ESYT3: variants seen among roughly 807,000 people sequenced by gnomAD.
ESYT3 encodes the protein extended synaptotagmin 3.
In ESYT3, 101 loss-of-function variants were observed where a neutral mutation model predicts 111.5. That is an observed-to-expected ratio of 0.91 (90% CI 0.77 to 1.07). ESYT3 has a LOEUF of 1.07. Ranked by LOEUF, ESYT3 falls within the 50% of genes least tolerant of loss-of-function variation. The pLI is 0.00. For missense variants in ESYT3, 1,097 were observed against 1,109.4 expected, an observed-to-expected ratio of 0.99 and a Z score of 0.16; for synonymous variants, 416 against 446.8, an observed-to-expected ratio of 0.93 and a Z score of 0.87.
chr3:138,438,421 C>G (rs562449968), intron 1 of ESYT3, among the ~76,000 whole-genome samples: 1 of 152,252 alleles, frequency 6.6e-6, no homozygotes, highest in South Asian at 2.1e-4. Flanking sequence ...GCTTGTCAAG[C>G]TGTATGCTGC....
At chr3:138,437,365 A>G (rs1374855904) in intron 1 of ESYT3, among the ~76,000 whole-genome samples, 1 of 152,212 alleles carries the variant, frequency 6.6e-6, no homozygotes, top group Non-Finnish European at 1.5e-5. Flanking sequence ...TTCAGCCTGC[A>G]TTCTGCAGAC....
intron 1 of ESYT3, among the ~76,000 whole-genome samples, chr3:138,449,082 C>CTTTTTTTTTTT (rs398040196): frequency 3.5e-5 from 4 of 113,130 alleles, no homozygotes; most frequent in East Asian, 2.7e-4. Flanking sequence ...CTTTCTTTTT[C>CTTTTTTTTTTT]TTTTTTTTTT....
rs757156762 is a variant in ESYT3, at chr3:138,474,351, A to G, written c.2467A>G (p.Thr823Ala). 3 of 1,589,774 alleles carry G rather than the reference A, an allele frequency of 1.9e-6. No individual in the cohort carries two copies. Among genetic ancestry groups the G allele is most frequent in the Non-Finnish European group, 2.6e-6 (3 of 1,173,192 alleles). ...RKTLEPLFDETFEFFVPMEEV... is the reference protein window; with the variant it reads ...RKTLEPLFDEAFEFFVPMEEV... ...GACCTTGGAACCCCTGTTTGATGAG[A>G]CGTAAGTGGGCTGGTGGCCTGCCTA... Residue 823 changes from threonine (T) to alanine (A), a missense_variant and splice_region_variant, in exon 20 of 23, where the codon ACA becomes GCA. Thr to Ala is a moderately conservative substitution (Grantham distance 58, BLOSUM62 0). Coordinates refer to ENST00000389567, the MANE Select transcript of ESYT3 (RefSeq NM_031913.5).
chr3:138,455,018 G>A (rs527705863), intron 2 of ESYT3, among the ~76,000 whole-genome samples, 176 bp from the exon 3 acceptor site: 4 of 152,142 alleles, frequency 2.6e-5, no homozygotes, highest in African/African-American at 9.7e-5. Flanking sequence ...ATGTTTGACG[G>A]ACAGACAGAT....
At chr3:138,475,526 C>G (rs371717477) in intron 20 of ESYT3, among the ~76,000 whole-genome samples, 1 of 152,206 alleles carries the variant, frequency 6.6e-6, no homozygotes, top group Non-Finnish European at 1.5e-5. Context: ...TGTAGCAAAC[C>G]TAACTGCTCA....
chr3:138,435,098 G>C lies in ESYT3; in HGVS notation c.300G>C (p.Glu100Asp). Reference protein sequence around the residue: ...LDNEREFISRELRGQHLPAWI... With the variant: ...LDNEREFISRDLRGQHLPAWI... ...ATGAACGCGAGTTCATCAGCCGCGA[G>C]CTGCGGGGCCAGCACCTGCCAGCCT... The change falls in exon 1 of 23, where the codon GAG becomes GAC. Residue 100 changes from glutamate (E) to aspartate (D), a missense_variant. By Grantham distance (45) the Glu-to-Asp change is conservative. Transcript: ENST00000389567. This position sits in a 1 kb window ranked among gnomAD's most constrained non-coding sequence, Gnocchi z 4.8. 6.3e-7 allele frequency: 1 copy of C among 1,589,616 alleles called. No homozygotes were observed. Among genetic ancestry groups the C allele is most frequent in the Non-Finnish European group, 8.5e-7 (1 of 1,170,540 alleles).
At chr3:138,472,217 A>T (rs1459463966) in intron 17 of ESYT3, 146 bp from the exon 18 acceptor site, 2 of 1,020,406 alleles carry the variant, frequency 2.0e-6, no homozygotes, top group Non-Finnish European at 2.8e-6. Context: ...GAATATTTGG[A>T]ACACCATATG....
Position 138,478,850 on chromosome 3 carries a change from T to G in ESYT3, c.*1996T>G, listed in dbSNP as rs2033602445. 6.6e-6 allele frequency: 1 copy of G among 152,224 alleles called. No individual in the cohort carries two copies. Among genetic ancestry groups the G allele is most frequent in the Non-Finnish European group, 1.5e-5 (1 of 68,058 alleles). 9.4% of individuals were successfully genotyped at this position (152,224 alleles called of 1,614,324 possible). A position where few individuals can be genotyped will look rare whatever the true frequency, so the allele number is the denominator to read the frequency against. On this transcript the variant is annotated 3_prime_UTR_variant, in exon 23 of 23. Transcript: ENST00000389567. The stretch of plus-strand genomic sequence containing the variant: ...AGTGGGTGGAAACAATCAGCTAATA[T>G]GCAGGAGCATAGGGTCTGAAGTTAA...
Position 138,465,379 on chromosome 3 carries a change from A to T in ESYT3, c.1127A>T (p.Asp376Val). ...GTCCCTGGACAGGACCTGGAGGTAG[A>T]CCTGTATGATGAGGATACCGACAGG... The part of the protein sequence containing the change: ...YEVPGQDLEV[D>V]LYDEDTDRDD... The change falls in exon 10 of 23, where the codon GAC becomes GTC. Residue 376 changes from aspartate to valine, a missense_variant. Physicochemically the swap from Asp to Val is radical, Grantham distance 152. Coordinates refer to ENST00000389567, the MANE Select transcript of ESYT3 (RefSeq NM_031913.5). The T allele has an allele frequency of 1.3e-6, 2 of 1,597,628 alleles. No individual in the cohort carries two copies. The highest frequency in any genetic ancestry group is 1.7e-6 in the Non-Finnish European group (2 of 1,172,668).
At chr3:138,466,393 GTAT>G (rs1329907320) in intron 10 of ESYT3, among the ~76,000 whole-genome samples, 6 of 152,188 alleles carry the variant, frequency 3.9e-5, no homozygotes, top group Non-Finnish European at 7.3e-5. Context: ...GAATCTATGT[GTAT>G]TATTAGCCTG....
chr3:138,452,024 T>C, intron 1 of ESYT3, 24 bp from the exon 2 acceptor site: 7 of 1,613,404 alleles, frequency 4.3e-6, no homozygotes, highest in Non-Finnish European at 5.9e-6. Context: ...CTAGTCTAAC[T>C]TCCCCTCGGG....
At chr3:138,476,592 G>C in intron 22 of ESYT3, 100 bp downstream of exon 22, 1 of 1,214,554 alleles carries the variant, frequency 8.2e-7, no homozygotes. Flanking sequence ...AGAAGGGAGG[G>C]AGATGAACAC....
In ESYT3 at chr3:138,452,101, G is replaced by GGCAGGGCCTA; in HGVS notation, c.369+21_369+30dup. The GGCAGGGCCTA allele has an allele frequency of 1.9e-6, 3 of 1,608,088 alleles. No individual in the cohort carries two copies. Among genetic ancestry groups the GGCAGGGCCTA allele is most frequent in the Non-Finnish European group, 2.5e-6 (3 of 1,179,700 alleles). On this transcript the variant is annotated intron_variant, in intron 2 of 22. Coordinates refer to ENST00000389567, the MANE Select transcript of ESYT3 (RefSeq NM_031913.5). ...AGTGGGCCAACAAGGTAAGGCCGCT[G>GGCAGGGCCTA]GCAGGGCCTAGCAGGGCCGGACGCA...
In ESYT3 at chr3:138,476,991, C is replaced by A. The variant is rs796809075; in HGVS notation, c.*137C>A. 1.4e-5 allele frequency: 8 copies of A among 565,926 alleles called. No individual in the cohort carries two copies. The highest frequency in any genetic ancestry group is 2.1e-5 in the Non-Finnish European group (7 of 338,598). 35.1% of individuals were successfully genotyped at this position (565,926 alleles called of 1,614,324 possible). A position where few individuals can be genotyped will look rare whatever the true frequency, so the allele number is the denominator to read the frequency against. On this transcript the variant is annotated 3_prime_UTR_variant, in exon 23 of 23. Coordinates refer to ENST00000389567, the MANE Select transcript of ESYT3 (RefSeq NM_031913.5). The stretch of plus-strand genomic sequence containing the variant: ...ACAACCACTTGAAATTATATACATA[C>A]AATTCTTGTGTGGAATTTAACTCCA...
At chr3:138,451,603 C>A (rs539864914) in intron 1 of ESYT3, among the ~76,000 whole-genome samples, 1 of 152,170 alleles carries the variant, frequency 6.6e-6, no homozygotes, top group Non-Finnish European at 1.5e-5. Flanking sequence ...GATTTACTTG[C>A]GTGTGCAAAC....
At chr3:138,476,107 G>A (rs912206547) in intron 20 of ESYT3, 116 bp from the exon 21 acceptor site, 4 of 679,280 alleles carry the variant, frequency 5.9e-6, no homozygotes, top group Non-Finnish European at 1.0e-5. Flanking sequence ...TCCTGCTCTA[G>A]GTGCTCCTAA....
rs1421606744 is a variant in ESYT3, at chr3:138,455,195, T to C, written c.371T>C (p.Ile124Thr). ...AAGAGCCTCTTCCCGTCTTCACAGA[T>C]CATCTCTCAGACCTGGCCCTACCTA... is the stretch of plus-strand genomic sequence containing the variant. ...DVERVEWANK[I>T]ISQTWPYLSM... The change falls in exon 3 of 23, where the codon ATC becomes ACC. Residue 124 changes from isoleucine (I) to threonine (T), a missense_variant and splice_region_variant. Ile to Thr is a moderately conservative substitution (Grantham distance 89, BLOSUM62 -1). Transcript: ENST00000389567. The C allele has an allele frequency of 6.2e-7, 1 of 1,614,144 alleles. No homozygotes were observed. Among genetic ancestry groups the C allele is most frequent in the Non-Finnish European group, 8.5e-7 (1 of 1,180,018 alleles).
chr3:138,476,548 CT>C (rs1262039448), intron 22 of ESYT3, 56 bp downstream of exon 22: 2 of 1,547,332 alleles, frequency 1.3e-6, no homozygotes, highest in African/African-American at 2.7e-5. Flanking sequence ...ACAGTTTTCC[CT>C]TTTCAGTACT....
chr3:138,481,064 C>T (rs2033679749), downstream of ESYT3: 1 of 152,130 alleles, frequency 6.6e-6, no homozygotes, highest in African/African-American at 2.4e-5. Context: ...TTACTCATAT[C>T]ACATTAAAAA....
Sources: allele counts gnomAD v4.1 joint callset (sites outside exome capture counted in the v4.1 genomes callset), GRCh38; gene constraint gnomAD v4.1.1; non-coding constraint Gnocchi (gnomAD v3.1); transcripts MANE v1.5; gene names NCBI Gene and HGNC (gene_info 2026-07-23, HGNC 2026-07-21).